The following CUX2 variants were observed in gnomAD, a reference collection of about 807,000 sequenced individuals.
CUX2 encodes homeobox protein cut-like 2.
A neutral mutation model predicts 144.8 loss-of-function variants in CUX2; 40 were observed. The observed-to-expected ratio is 0.28, with a 90% CI of 0.21 to 0.36. CUX2 has a LOEUF of 0.36. CUX2 is among the 10% of genes least tolerant of loss of function. CUX2 has a pLI of 1.00. For missense variants in CUX2, 1,615 were observed against 1,994.0 expected (o/e 0.81, Z 3.62); for synonymous variants, 827 against 875.6 (o/e 0.94, Z 0.98).
chr12:111,200,864 G>A (rs576360355), intron 1 of CUX2, among the ~76,000 whole-genome samples: 17 of 152,146 alleles, frequency 1.1e-4, no homozygotes, highest in African/African-American at 2.4e-4. Flanking sequence ...ACTAGCCTCC[G>A]CGGGGGCATT....
intron 3 of CUX2, among the ~76,000 whole-genome samples, chr12:111,247,942 TG>T (rs1338794394): frequency 1.3e-5 from 2 of 152,242 alleles, no homozygotes; most frequent in African/African-American, 4.8e-5. Context: ...TCTCTTGCTC[TG>T]TCACCCAGGC....
At chr12:111,055,232 G>C (rs1361733595) in intron 1 of CUX2, among the ~76,000 whole-genome samples, 5 of 152,240 alleles carry the variant, frequency 3.3e-5, no homozygotes, top group Admixed American at 2.6e-4. Context: ...TCTGGCAGGA[G>C]TCGGGGCCTG....
chr12:111,042,370 G>A (rs1869790053), intron 1 of CUX2, among the ~76,000 whole-genome samples: 1 of 152,206 alleles, frequency 6.6e-6, no homozygotes, highest in Non-Finnish European at 1.5e-5. Context: ...ATGCCTGTGA[G>A]TGTCTGTCAT....
chr12:111,310,332 C>G lies in CUX2; in HGVS notation c.1550C>G (p.Pro517Arg). The change falls in exon 15 of 22, where the codon CCC becomes CGC. Residue 517 changes from proline (P) to arginine (R), a missense_variant. By Grantham distance (103) the Pro-to-Arg change is moderately radical (BLOSUM62 -2). This residue lies in a region of CUX2 where 154 missense variants were observed against 148.4 expected (regional missense o/e 1.04). Coordinates refer to ENST00000261726, the MANE Select transcript of CUX2 (RefSeq NM_015267.4). The surrounding 1 kb of genome is among the most constrained non-coding windows in gnomAD (Gnocchi z 7.9). ...FPPAFYGAKP[P>R]TAPATPAPGP... ...CCAGCCTTCTATGGCGCCAAGCCCC[C>G]CACAGCCCCTGCCACCCCGGCCCCT... 2 of 1,528,372 alleles carry G rather than the reference C, an allele frequency of 1.3e-6. No individual in the cohort carries two copies. Among genetic ancestry groups the G allele is most frequent in the Non-Finnish European group, 1.8e-6 (2 of 1,134,106 alleles). 94.7% of individuals were successfully genotyped at this position (1,528,372 alleles called of 1,614,324 possible). A position where few individuals can be genotyped will look rare whatever the true frequency, so the allele number is the denominator to read the frequency against.
intron 1 of CUX2, among the ~76,000 whole-genome samples, chr12:111,091,462 G>A (rs1042659260): frequency 1.3e-5 from 2 of 152,144 alleles, no homozygotes; most frequent in Admixed American, 1.3e-4. Context: ...TCAGGCCATC[G>A]AGGGGTGCAG....
rs1396415764 is a variant in CUX2, at chr12:111,178,723, T to C, written c.64-35477T>C. Among the ~76,000 whole-genome samples, 2 of 152,188 alleles carry C rather than the reference T, an allele frequency of 1.3e-5. No homozygotes were observed. The highest frequency in any genetic ancestry group is 2.9e-5 in the Non-Finnish European group (2 of 68,030). Reference sequence around the variant, plus strand: ...CCGAGTCAGGGTTTAATGAGGGAGATGGACATTTATGGGATGGCCGTTTGG... The same window carrying C: ...CCGAGTCAGGGTTTAATGAGGGAGACGGACATTTATGGGATGGCCGTTTGG... On this transcript the variant is annotated intron_variant, in intron 1 of 21. Transcript: ENST00000261726. The surrounding 1 kb of genome is among the most constrained non-coding windows in gnomAD (Gnocchi z 5.7).
intron 1 of CUX2, among the ~76,000 whole-genome samples, chr12:111,094,362 G>A (rs921062519): frequency 6.6e-5 from 10 of 152,240 alleles, no homozygotes; most frequent in Non-Finnish European, 4.4e-5. Context: ...CGGGCAGAGG[G>A]AGGCAAGGGT....
intron 1 of CUX2, among the ~76,000 whole-genome samples, chr12:111,167,689 TG>T (rs1878235240): frequency 6.7e-6 from 1 of 149,162 alleles, no homozygotes; most frequent in Admixed American, 6.7e-5. Flanking sequence ...TTTGTTTGTT[TG>T]TTTGTTTGTT....
At chr12:111,140,217 C>G (rs972322371) in intron 1 of CUX2, among the ~76,000 whole-genome samples, 3 of 152,130 alleles carry the variant, frequency 2.0e-5, no homozygotes, top group African/African-American at 7.2e-5. Flanking sequence ...GCTGGAAACC[C>G]ATTTAACAAC....
At chr12:111,306,515 G>A (rs1397174046) in intron 10 of CUX2, among the ~76,000 whole-genome samples, 7 of 152,048 alleles carry the variant, frequency 4.6e-5, no homozygotes, top group East Asian at 1.9e-4. Flanking sequence ...CGCCCATAAC[G>A]TGGTCCGTGG....
chr12:111,151,735 G>A (rs1293448369), intron 1 of CUX2, among the ~76,000 whole-genome samples: 1 of 152,158 alleles, frequency 6.6e-6, no homozygotes, highest in Non-Finnish European at 1.5e-5. Flanking sequence ...TAGGAAGGCA[G>A]GGAGATCTCT....
intron 18 of CUX2, among the ~76,000 whole-genome samples, chr12:111,324,040 C>T (rs1258034489): frequency 1.3e-5 from 2 of 151,910 alleles, no homozygotes; most frequent in Non-Finnish European, 2.9e-5. Flanking sequence ...GAGACCATCT[C>T]TAAAAGAATT....
chr12:111,073,990 A>T (rs550003112), intron 1 of CUX2, among the ~76,000 whole-genome samples: 3 of 151,994 alleles, frequency 2.0e-5, no homozygotes, highest in Admixed American at 2.0e-4. Flanking sequence ...TAAACAGTGA[A>T]TGATTTTCAG....
intron 1 of CUX2, among the ~76,000 whole-genome samples, chr12:111,051,724 T>C (rs768793042): frequency 2.6e-5 from 4 of 152,202 alleles, no homozygotes; most frequent in African/African-American, 9.6e-5. Context: ...AATCCATTCA[T>C]ATTTAATGTT....
chr12:111,348,481 C>A lies in CUX2; in HGVS notation c.*156C>A. 1 of 744,390 alleles carries A rather than the reference C, an allele frequency of 1.3e-6. No homozygotes were observed. Among genetic ancestry groups the A allele is most frequent in the Non-Finnish European group, 2.1e-6 (1 of 468,218 alleles). The allele number at this position is 744,390 out of a possible 1,614,324, so 46.1% of individuals were successfully genotyped here. On this transcript the variant is annotated 3_prime_UTR_variant, in exon 22 of 22. Transcript: ENST00000261726. ...TACGTTTTTTGTTGTAATCCTAGTT[C>A]TATGAAGCTGTGTGAGCAGGTGGGT...
At position 111,322,033 on chromosome 12, in the gene CUX2, G is replaced by A. The variant is rs1168040783; in HGVS notation, c.2767-388G>A. On this transcript the variant is annotated intron_variant, in intron 17 of 21. Coordinates refer to ENST00000261726, the MANE Select transcript of CUX2 (RefSeq NM_015267.4). The surrounding 1 kb of genome is among the most constrained non-coding windows in gnomAD (Gnocchi z 4.2). Reference sequence around the variant, plus strand: ...CCAACAGAGGGGAGGGGAGGGGATGGGAGGCTGGGCATGGTGGCTCACACC... The same window carrying A: ...CCAACAGAGGGGAGGGGAGGGGATGAGAGGCTGGGCATGGTGGCTCACACC... Among the ~76,000 whole-genome samples the A allele has an allele frequency of 6.6e-6, 1 of 151,898 alleles. No individual in the cohort carries two copies. Among genetic ancestry groups the A allele is most frequent in the East Asian group, 1.9e-4 (1 of 5,178 alleles).
chr12:111,310,678 G>T lies in CUX2; in HGVS notation c.1896G>T (p.Gln632His). 1 of 1,583,476 alleles carries T rather than the reference G, an allele frequency of 6.3e-7. No individual in the cohort carries two copies. Among genetic ancestry groups the T allele is most frequent in the Middle Eastern group, 1.7e-4 (1 of 5,944 alleles). Residue 632 changes from glutamine (Q) to histidine (H), a missense_variant, in exon 15 of 22, where the codon CAG (glutamine) becomes CAT (histidine). By Grantham distance (24) the Gln-to-His change is conservative (BLOSUM62 0). Coordinates refer to ENST00000261726, the MANE Select transcript of CUX2 (RefSeq NM_015267.4). The surrounding 1 kb of genome is among the most constrained non-coding windows in gnomAD (Gnocchi z 7.9). Reference sequence around the variant, plus strand: ...CGCTCAGGACCATCCAAGTGCGGCAGCGAGGTGAGTGCCCAAGAGGGCCCG... The same window carrying T: ...CGCTCAGGACCATCCAAGTGCGGCATCGAGGTGAGTGCCCAAGAGGGCCCG... ...VLALRTIQVRQRGSITPRIRT... is the reference protein window; with the variant it reads ...VLALRTIQVRHRGSITPRIRT...
intron 6 of CUX2, among the ~76,000 whole-genome samples, chr12:111,294,749 T>A (rs1266635157): frequency 6.6e-6 from 1 of 151,564 alleles, no homozygotes. Context: ...TTACAAAAAT[T>A]AAGCTGTGTG....
intron 21 of CUX2, among the ~76,000 whole-genome samples, chr12:111,344,387 G>A (rs2136453185): frequency 6.6e-6 from 1 of 152,290 alleles, no homozygotes; most frequent in Non-Finnish European, 1.5e-5. Context: ...ATTCTGCCTG[G>A]GGAGGACTTT....
Sources: gnomAD v4.1 joint callset for allele counts (sites outside exome capture counted in the v4.1 genomes callset) on GRCh38, gnomAD v4.1.1 for gene constraint, gnomAD v4.1.1 regional missense constraint, Gnocchi (gnomAD v3.1) non-coding constraint, MANE v1.5 for transcripts, NCBI Gene and HGNC (gene_info 2026-07-23, HGNC 2026-07-21) for gene names.